The following SWT1 variants were observed in gnomAD, a reference collection of about 807,000 sequenced individuals.
SWT1 encodes the protein transcriptional protein SWT1.
SWT1 carries 33 observed loss-of-function variants against 107.3 expected under a neutral mutation model. The observed-to-expected ratio is 0.31, with a 90% CI of 0.23 to 0.41. SWT1 has a LOEUF of 0.41. Among genes scored for constraint, SWT1 ranks in the 10% least tolerant of loss-of-function variants. The pLI is 1.00. For missense variants in SWT1, 898 were observed against 1,028.9 expected (o/e 0.87, Z 1.74); for synonymous variants, 345 against 348.3 (o/e 0.99, Z 0.11).
intron 15 of SWT1, chr1:185,227,377 T>C (rs772622254): frequency 1.3e-5 from 9 of 711,966 alleles, no homozygotes; most frequent in Admixed American, 7.0e-5. Flanking sequence ...TTGAGAAGCC[T>C]GCGGGCCAGC....
chr1:185,264,509 T>A, intron 16 of SWT1: 1 of 964,728 alleles, frequency 1.0e-6, no homozygotes, highest in Non-Finnish European at 1.2e-6. Context: ...TAGCTAATAT[T>A]TTATTGGGCC....
rs554143313 is a variant in SWT1, at chr1:185,241,389, G to T, written c.2441+9681G>T. On this transcript the variant is annotated intron_variant, in intron 16 of 18. Transcript: ENST00000367500. ...GCTTCACCTCCCACTCTTCAGTTAGGGTTTCACAGCTCCTCAGATATCACT... is the reference window on the plus strand; with the variant it reads ...GCTTCACCTCCCACTCTTCAGTTAGTGTTTCACAGCTCCTCAGATATCACT... 2.0e-5 allele frequency among the ~76,000 whole-genome samples: 3 copies of T among 152,028 alleles called. No homozygotes were observed. In the South Asian group the frequency reaches 6.2e-4, roughly 32 times the overall value.
chr1:185,221,442 A>AT lies in SWT1; in HGVS notation c.2122-397dup, dbSNP rs148098302. The stretch of plus-strand genomic sequence containing the variant: ...AACCTGAGGTTTAAATTATATCTTG[A>AT]TTTTTTTTTTAAACAACACTTTGCA... On this transcript the variant is annotated intron_variant, in intron 14 of 18. Transcript: ENST00000367500. Among the ~76,000 whole-genome samples, 936 of 149,828 alleles carry AT rather than the reference A, an allele frequency of 6.2e-3. 32 individuals are homozygous for AT. In the East Asian group the frequency reaches 0.093, roughly 15 times the overall value.
intron 16 of SWT1, among the ~76,000 whole-genome samples, chr1:185,250,183 G>A (rs375107348): frequency 1.9e-4 from 29 of 151,980 alleles, no homozygotes; most frequent in East Asian, 1.7e-3. Context: ...GCTGGGTTGC[G>A]GTGATGTGAT....
chr1:185,211,350 G>A (rs1658788023), intron 13 of SWT1, among the ~76,000 whole-genome samples: 1 of 152,126 alleles, frequency 6.6e-6, no homozygotes, highest in Non-Finnish European at 1.5e-5. Context: ...CAGATATATA[G>A]ACCAGTGGAA....
intron 15 of SWT1, 28 bp downstream of exon 15, chr1:185,222,064 A>G (rs762639830): frequency 2.9e-6 from 4 of 1,397,640 alleles, no homozygotes; most frequent in African/African-American, 1.5e-5. Flanking sequence ...ATTTTTTTTT[A>G]GTTATTTTTT....
intron 9 of SWT1, among the ~76,000 whole-genome samples, chr1:185,187,868 T>A (rs1019265714): frequency 6.6e-6 from 1 of 152,048 alleles, no homozygotes; most frequent in Non-Finnish European, 1.5e-5. Context: ...TTTTAAGATA[T>A]TTTTAGTAGA....
intron 5 of SWT1, among the ~76,000 whole-genome samples, chr1:185,176,399 G>A (rs887698948): frequency 6.6e-6 from 1 of 150,514 alleles, no homozygotes; most frequent in Non-Finnish European, 1.5e-5. Flanking sequence ...AAGTGAGGTA[G>A]AATGGGAGAA....
At position 185,157,319 on chromosome 1, in the gene SWT1, G is replaced by A. The variant is rs1220108828; in HGVS notation, c.-10+5G>A. 6.5e-6 allele frequency: 1 copy of A among 152,846 alleles called. No homozygotes were observed. The highest frequency in any genetic ancestry group is 1.5e-5 in the Non-Finnish European group (1 of 68,404). 9.5% of individuals were successfully genotyped at this position (152,846 alleles called of 1,614,324 possible). A position where few individuals can be genotyped will look rare whatever the true frequency, so the allele number is the denominator to read the frequency against. On this transcript the variant is annotated splice_donor_5th_base_variant and intron_variant, in intron 1 of 18. Coordinates refer to ENST00000367500, the MANE Select transcript of SWT1 (RefSeq NM_017673.7). ...ACTGCCGCCGGCGCTGGTAAGGTAG[G>A]AACTGCGGGGTGCGTTGACGTTTTG... is the stretch of plus-strand genomic sequence containing the variant.
At chr1:185,187,072 TA>T (rs11406508) in intron 9 of SWT1, among the ~76,000 whole-genome samples, 2 of 142,152 alleles carry the variant, frequency 1.4e-5, no homozygotes, top group Admixed American at 7.1e-5. Flanking sequence ...TTTTTTTTTT[TA>T]AAAGAGTCTT....
intron 14 of SWT1, 33 bp downstream of exon 14, chr1:185,214,688 C>T (rs1292202475): frequency 6.4e-7 from 1 of 1,560,358 alleles, no homozygotes; most frequent in African/African-American, 1.4e-5. Context: ...GTTAGAGTAG[C>T]TAATTATACA....
intron 5 of SWT1, 96 bp downstream of exon 5, chr1:185,175,209 T>A (rs1232018617): frequency 3.7e-6 from 4 of 1,089,934 alleles, no homozygotes; most frequent in Non-Finnish European, 4.9e-6. Context: ...TCTGTTTTTT[T>A]TTTTTTTTGT....
intron 16 of SWT1, among the ~76,000 whole-genome samples, chr1:185,234,720 G>A (rs571709480): frequency 3.3e-5 from 5 of 152,168 alleles, no homozygotes; most frequent in East Asian, 1.9e-4. Context: ...TGGTCTTTAC[G>A]TACAATTTGG....
chr1:185,271,273 T>A (rs765463139), intron 16 of SWT1, 50 bp from the exon 17 acceptor site: 4 of 1,014,010 alleles, frequency 3.9e-6, no homozygotes, highest in Non-Finnish European at 6.3e-6. Flanking sequence ...AGGTATTGGT[T>A]TTTTCTGAAA....
rs536508162 is a variant in SWT1 at position 185,214,764 on chromosome 1, C to T, written c.2121+109C>T. The T allele has an allele frequency of 6.7e-6, 6 of 897,260 alleles. No homozygotes were observed. The East Asian group carries it at 1.7e-4, about 25-fold the overall frequency. The allele number at this position is 897,260 out of a possible 1,614,324, so 55.6% of individuals were successfully genotyped here. A position where few individuals can be genotyped will look rare whatever the true frequency, so the allele number is the denominator to read the frequency against. On this transcript the variant is annotated intron_variant, in intron 14 of 18. Coordinates refer to ENST00000367500, the MANE Select transcript of SWT1 (RefSeq NM_017673.7). ...ATAATTTAATTCTAACTTATTCTAA[C>T]ATACTAAAGGCGTTAAGTAAATGTT...
At chr1:185,252,118 T>C (rs994840991) in intron 16 of SWT1, among the ~76,000 whole-genome samples, 3 of 152,268 alleles carry the variant, frequency 2.0e-5, no homozygotes, top group Non-Finnish European at 2.9e-5. Context: ...AACTCATCAT[T>C]TTTTATGGCT....
intron 17 of SWT1, among the ~76,000 whole-genome samples, chr1:185,275,437 AATATT>A (rs1305482411): frequency 6.7e-6 from 1 of 148,626 alleles, no homozygotes; most frequent in African/African-American, 2.4e-5. Flanking sequence ...TATAATATCA[AATATT>A]ATATAATTAA....
intron 16 of SWT1, among the ~76,000 whole-genome samples, chr1:185,257,501 C>T (rs538042851): frequency 8.6e-5 from 13 of 152,046 alleles, no homozygotes; most frequent in South Asian, 2.1e-4. Flanking sequence ...TTTTTTAAGC[C>T]GGTCGGAAAA....
chr1:185,177,349 T>G (rs1655656081), intron 5 of SWT1, among the ~76,000 whole-genome samples: 1 of 152,240 alleles, frequency 6.6e-6, no homozygotes, highest in Admixed American at 6.5e-5. Context: ...TCGTATGGTT[T>G]CTTTTGGTCT....
Sources: gnomAD v4.1 joint callset for allele counts (sites outside exome capture counted in the v4.1 genomes callset) on GRCh38, gnomAD v4.1.1 for gene constraint, MANE v1.5 for transcripts, NCBI Gene and HGNC (gene_info 2026-07-23, HGNC 2026-07-21) for gene names.